Variants in CDIP1 observed in about 807,000 individuals in gnomAD.
CDIP1 encodes the protein cell death inducing p53 target 1, also known as cell death-inducing p53-target protein 1.
CDIP1 carries 9 observed loss-of-function variants against 17.7 expected under a neutral mutation model. The ratio of observed to expected loss-of-function variants is 0.51; its 90% CI spans 0.31 to 0.89. The LOEUF (loss-of-function observed/expected upper bound fraction) is 0.89, where lower values mean the gene tolerates loss of function less well. Among genes scored for constraint, CDIP1 ranks in the 40% least tolerant of loss-of-function variants. CDIP1 has a pLI of 0.05. For synonymous variants in CDIP1, 117 were observed against 109.5 expected (o/e 1.07, Z -0.43); for missense variants, 263 against 277.9 (o/e 0.95, Z 0.38).
chr16:4,520,266 A>G (rs543834121), intron 1 of CDIP1, among the ~76,000 whole-genome samples: 13 of 152,054 alleles, frequency 8.5e-5, no homozygotes, highest in African/African-American at 3.1e-4. Flanking sequence ...CATGCCACCC[A>G]TCTAATTTTT....
At chr16:4,533,161 G>A (rs1004540691) in intron 1 of CDIP1, 4 of 152,300 alleles carry the variant, frequency 2.6e-5, no homozygotes, top group Admixed American at 6.5e-5. Context: ...AGGAGCTGTC[G>A]CCTCTGTGAC....
intron 1 of CDIP1, among the ~76,000 whole-genome samples, chr16:4,532,061 C>T (rs1016905287): frequency 6.6e-6 from 1 of 152,206 alleles, no homozygotes; most frequent in African/African-American, 2.4e-5. Context: ...GAGGTCTTTG[C>T]TCTGCTAGTT....
At chr16:4,516,538 A>G (rs2058889528) in intron 1 of CDIP1, among the ~76,000 whole-genome samples, 1 of 152,054 alleles carries the variant, frequency 6.6e-6, no homozygotes, top group South Asian at 2.1e-4. Flanking sequence ...TGTTTTGTAG[A>G]GACGGGGGTC....
At chr16:4,523,375 G>A (rs541710039) in intron 1 of CDIP1, among the ~76,000 whole-genome samples, 3 of 152,276 alleles carry the variant, frequency 2.0e-5, no homozygotes, top group East Asian at 1.9e-4. Context: ...TTAGCTGGGC[G>A]TGGTGGCACG....
intron 1 of CDIP1, among the ~76,000 whole-genome samples, chr16:4,534,907 G>A (rs142812666): frequency 1.3e-5 from 2 of 151,826 alleles, no homozygotes; most frequent in South Asian, 2.1e-4. Flanking sequence ...TAGTAGAGAC[G>A]GGGTTTCTCC....
chr16:4,538,284 G>GGCCCCGCCATGCCGC (rs972405055), intron 1 of CDIP1: 2 of 152,152 alleles, frequency 1.3e-5, no homozygotes, highest in Non-Finnish European at 2.9e-5. Flanking sequence ...GGGGAGGACG[G>GGCCCCGCCATGCCGC]GCCCCGCCAT....
intron 1 of CDIP1, among the ~76,000 whole-genome samples, chr16:4,525,982 A>T (rs1363266363): frequency 2.0e-5 from 3 of 152,140 alleles, no homozygotes; most frequent in African/African-American, 7.2e-5. Context: ...GGAATTCTAA[A>T]CACTTCAAAA....
At chr16:4,528,683 CAAAA>C (rs374609894) in intron 1 of CDIP1, among the ~76,000 whole-genome samples, 1 of 50,960 alleles carries the variant, frequency 2.0e-5, no homozygotes, top group South Asian at 9.9e-4. Context: ...AACCCTGTCT[CAAAA>C]AAAAAAAAAA....
chr16:4,527,798 C>A (rs1453515697), intron 1 of CDIP1, among the ~76,000 whole-genome samples: 1 of 152,096 alleles, frequency 6.6e-6, no homozygotes, highest in Non-Finnish European at 1.5e-5. Context: ...CTGTATTCAG[C>A]CCCTAAAAAA....
At chr16:4,516,017 A>T (rs977264369) in intron 1 of CDIP1, among the ~76,000 whole-genome samples, 1 of 152,234 alleles carries the variant, frequency 6.6e-6, no homozygotes, top group Non-Finnish European at 1.5e-5. Context: ...CAAAAAGTGG[A>T]AACAACCCAA....
intron 1 of CDIP1, among the ~76,000 whole-genome samples, chr16:4,535,228 TC>T (rs1438528604): frequency 6.6e-6 from 1 of 152,150 alleles, no homozygotes; most frequent in African/African-American, 2.4e-5. Flanking sequence ...AACAATTACA[TC>T]TCAGGAAGAC....
In CDIP1 at chr16:4,514,483, C is replaced by T. The variant is rs889425100; in HGVS notation, c.-15+92G>A. The T allele has an allele frequency of 7.0e-5, 19 of 270,926 alleles. No homozygotes were observed. The East Asian group carries it at 1.2e-3, about 17-fold the overall frequency. 16.8% of individuals were successfully genotyped at this position (270,926 alleles called of 1,614,324 possible). A position where few individuals can be genotyped will look rare whatever the true frequency, so the allele number is the denominator to read the frequency against. The stretch of plus-strand genomic sequence containing the variant: ...GGCACCGAGCTCTCCCCTCCCCAAA[C>T]GTTTAGCGGGCACTAAGGCAGTCGG... On this transcript the variant is annotated intron_variant, in intron 2 of 5. Transcript: ENST00000567695. The surrounding 1 kb of genome is among the most constrained non-coding windows in gnomAD (Gnocchi z 5.2).
chr16:4,518,565 C>T (rs1253389699), intron 1 of CDIP1, among the ~76,000 whole-genome samples: 1 of 152,216 alleles, frequency 6.6e-6, no homozygotes, highest in African/African-American at 2.4e-5. Context: ...TCCATATCCA[C>T]ATGCGTCCTC....
intron 1 of CDIP1, among the ~76,000 whole-genome samples, chr16:4,515,646 CA>C (rs1290758072): frequency 6.6e-6 from 1 of 152,054 alleles, no homozygotes; most frequent in Non-Finnish European, 1.5e-5. Flanking sequence ...GACAAATGGC[CA>C]AAAGCACATG....
Position 4,514,442 on chromosome 16 carries a change from C to G in CDIP1, c.-15+133G>C. 5.5e-6 allele frequency: 2 copies of G among 361,890 alleles called. No homozygotes were observed. Among genetic ancestry groups the G allele is most frequent in the Non-Finnish European group, 9.9e-6 (2 of 202,610 alleles). The allele number at this position is 361,890 out of a possible 1,614,324, so 22.4% of individuals were successfully genotyped here. ...AAGGAGCCTAACTCAGCACTTGCCCCACACGAGAGCAGTTTGGCACCGAGC... is the reference window on the plus strand; with the variant it reads ...AAGGAGCCTAACTCAGCACTTGCCCGACACGAGAGCAGTTTGGCACCGAGC... On this transcript the variant is annotated intron_variant, in intron 2 of 5. Coordinates refer to ENST00000567695, the MANE Select transcript of CDIP1 (RefSeq NM_013399.3). This position sits in a 1 kb window ranked among gnomAD's most constrained non-coding sequence, Gnocchi z 5.2.
intron 1 of CDIP1, among the ~76,000 whole-genome samples, chr16:4,527,090 CTTT>C (rs760461374): frequency 6.4e-5 from 9 of 140,382 alleles, no homozygotes; most frequent in Non-Finnish European, 7.8e-5. Context: ...GACACTGTTA[CTTT>C]TTTTTTTTTT....
At chr16:4,519,439 C>G (rs11076837) in intron 1 of CDIP1, among the ~76,000 whole-genome samples, 3 of 152,012 alleles carry the variant, frequency 2.0e-5, no homozygotes, top group African/African-American at 7.2e-5. Context: ...TAGCTTGCGA[C>G]CTGCGCTTCT....
At chr16:4,534,824 T>C (rs1340597716) in intron 1 of CDIP1, among the ~76,000 whole-genome samples, 1 of 151,958 alleles carries the variant, frequency 6.6e-6, no homozygotes, top group African/African-American at 2.4e-5. Flanking sequence ...GTTCAACTGA[T>C]TCTCCTGTCT....
chr16:4,522,086 G>A (rs898914674), intron 1 of CDIP1, among the ~76,000 whole-genome samples: 2 of 152,158 alleles, frequency 1.3e-5, no homozygotes, highest in East Asian at 3.9e-4. Context: ...TGCCTCTACC[G>A]GATTCTGGAG....
Sources: gnomAD v4.1 joint callset for allele counts (sites outside exome capture counted in the v4.1 genomes callset) on GRCh38, gnomAD v4.1.1 for gene constraint, Gnocchi (gnomAD v3.1) non-coding constraint, MANE v1.5 for transcripts, NCBI Gene and HGNC (gene_info 2026-07-23, HGNC 2026-07-21) for gene names.